PRSS35: variants seen among roughly 807,000 people sequenced by gnomAD.
The protein encoded by PRSS35 is inactive serine protease 35.
Under a neutral mutation model 8.1 loss-of-function variants are expected in PRSS35, and 7 were observed. The ratio of observed to expected loss-of-function variants is 0.86; its 90% confidence interval spans 0.49 to 1.62. PRSS35 has a LOEUF of 1.62. Among genes scored for constraint, PRSS35 ranks in the 40% most tolerant of loss-of-function variants. PRSS35 has a pLI of 0.00. For synonymous variants in PRSS35, 199 were observed against 188.7 expected (o/e 1.05, Z -0.45); for missense variants, 566 against 518.0 (o/e 1.09, Z -0.90).
intron 1 of PRSS35, among the ~76,000 whole-genome samples, chr6:83,514,809 T>C (rs1181376305): frequency 6.6e-6 from 1 of 152,208 alleles, no homozygotes; most frequent in Non-Finnish European, 1.5e-5. Flanking sequence ...ATTGTCTGAC[T>C]GTAGACAGCA....
In PRSS35 at chr6:83,523,547, C is replaced by A; in HGVS notation, c.106C>A (p.Arg36=). The A allele has an allele frequency of 6.2e-7, 1 of 1,614,130 alleles. No individual in the cohort carries two copies. The highest frequency in any genetic ancestry group is 8.5e-7 in the Non-Finnish European group (1 of 1,180,034). Residue 36 remains arginine, a synonymous_variant, in exon 2 of 2, where the codon CGG becomes AGG. Coordinates refer to ENST00000369700, the MANE Select transcript of PRSS35 (RefSeq NM_153362.3). ...DFMWHLRKVP[R]IVSERTFHLT... ...TATGTGGCACTTGAGAAAGGTACCC[C>A]GGATTGTCAGTGAAAGGACTTTCCA...
At chr6:83,519,285 G>T (rs1418288597) in intron 1 of PRSS35, among the ~76,000 whole-genome samples, 1 of 152,112 alleles carries the variant, frequency 6.6e-6, no homozygotes, top group Non-Finnish European at 1.5e-5. Flanking sequence ...CTGTGTGTAT[G>T]CTGACTCACA....
In PRSS35 at chr6:83,524,486, G is replaced by C; in HGVS notation, c.1045G>C (p.Gly349Arg). The C allele has an allele frequency of 6.2e-7, 1 of 1,614,130 alleles. No homozygotes were observed. The highest frequency in any genetic ancestry group is 8.5e-7 in the Non-Finnish European group (1 of 1,180,030). The change falls in exon 2 of 2, where the codon GGG becomes CGG. Residue 349 changes from glycine (G) to arginine (R), a missense_variant. By Grantham distance (125) the Gly-to-Arg change is moderately radical (BLOSUM62 -2). Coordinates refer to ENST00000369700, the MANE Select transcript of PRSS35 (RefSeq NM_153362.3). ...CDAESGSTGS[G>R]VYLRLKDPDK... Reference sequence around the variant, plus strand: ...TGCTGAGTCGGGCTCCACCGGTTCGGGGGTCTATCTGCGTCTGAAAGATCC... The same window carrying C: ...TGCTGAGTCGGGCTCCACCGGTTCGCGGGTCTATCTGCGTCTGAAAGATCC...
rs1771880734 is a variant in PRSS35 at position 83,524,143 on chromosome 6, A to T, written c.702A>T (p.Lys234Asn). The change falls in exon 2 of 2, where the codon AAA becomes AAT. Residue 234 changes from lysine to asparagine, a missense_variant. Coordinates refer to ENST00000369700, the MANE Select transcript of PRSS35 (RefSeq NM_153362.3). ...GAGCGAAGGGTGGGAGAAGAAGAAA[A>T]AAATCTGGCCGGGGTCAGAGGATTG... ...RERAKGGRRRKKSGRGQRIAE... is the reference protein window; with the variant it reads ...RERAKGGRRRNKSGRGQRIAE... 2 of 1,614,086 alleles carry T rather than the reference A, an allele frequency of 1.2e-6. No individual in the cohort carries two copies. The highest frequency in any genetic ancestry group is 1.7e-6 in the Non-Finnish European group (2 of 1,180,012).
rs935745241 is a variant in PRSS35, at chr6:83,524,740, T to A, written c.*57T>A. On this transcript the variant is annotated 3_prime_UTR_variant, in exon 2 of 2. Coordinates refer to ENST00000369700, the MANE Select transcript of PRSS35 (RefSeq NM_153362.3). The stretch of plus-strand genomic sequence containing the variant: ...AAATCACAGAGAAAACCAGCTCTGC[T>A]TACCGTAGTGAGATCACTTCATAGG... 8 of 1,501,104 alleles carry A rather than the reference T, an allele frequency of 5.3e-6. No individual in the cohort carries two copies. The highest frequency in any genetic ancestry group is 6.3e-6 in the Non-Finnish European group (7 of 1,114,368). 93.0% of individuals were successfully genotyped at this position (1,501,104 alleles called of 1,614,324 possible). A position where few individuals can be genotyped will look rare whatever the true frequency, so the allele number is the denominator to read the frequency against.
At chr6:83,518,314 T>G (rs1235105515) in intron 1 of PRSS35, among the ~76,000 whole-genome samples, 1 of 150,508 alleles carries the variant, frequency 6.6e-6, no homozygotes, top group Non-Finnish European at 1.5e-5. Flanking sequence ...CAAAAAGTTG[T>G]TTTTTTTTCA....
intron 1 of PRSS35, among the ~76,000 whole-genome samples, chr6:83,520,995 A>G (rs1771811536): frequency 6.6e-6 from 1 of 152,190 alleles, no homozygotes; most frequent in Non-Finnish European, 1.5e-5. Flanking sequence ...CTGACTTTCA[A>G]GCTTTGATGT....
At chr6:83,521,382 G>A (rs1472216963) in intron 1 of PRSS35, among the ~76,000 whole-genome samples, 2 of 151,824 alleles carry the variant, frequency 1.3e-5, no homozygotes, top group African/African-American at 4.8e-5. Context: ...ATACTAAGTG[G>A]CTCTACTCTA....
chr6:83,517,389 C>CA (rs1480319416), intron 1 of PRSS35, among the ~76,000 whole-genome samples: 1 of 152,206 alleles, frequency 6.6e-6, no homozygotes, highest in East Asian at 1.9e-4. Context: ...GTGCTGCTGT[C>CA]AGGGAGCGCC....
At chr6:83,518,632 G>C (rs777517456) in intron 1 of PRSS35, among the ~76,000 whole-genome samples, 15 of 152,182 alleles carry the variant, frequency 9.9e-5, no homozygotes, top group Non-Finnish European at 1.8e-4. Flanking sequence ...GCGAATTTTA[G>C]AGTGAGTTGG....
At position 83,523,468 on chromosome 6, in the gene PRSS35, A is replaced by G. The variant is rs1335285517; in HGVS notation, c.27A>G (p.Ile9Met). 2.5e-6 allele frequency: 4 copies of G among 1,613,200 alleles called. No homozygotes were observed. Among genetic ancestry groups the G allele is most frequent in the Admixed American group, 1.7e-5 (1 of 59,856 alleles). The change falls in exon 2 of 2, where the codon ATA becomes ATG. Residue 9 changes from isoleucine (I) to methionine (M), a missense_variant. Transcript: ENST00000369700. Reference sequence around the variant, plus strand: ...TGGAAAATATGCTGCTTTGGTTGATATTTTTCACCCCTGGGTGGACCCTCA... The same window carrying G: ...TGGAAAATATGCTGCTTTGGTTGATGTTTTTCACCCCTGGGTGGACCCTCA... MENMLLWL[I>M]FFTPGWTLID... is the part of the protein sequence containing the mutation.
intron 1 of PRSS35, among the ~76,000 whole-genome samples, chr6:83,513,963 G>GA (rs1562032175): frequency 6.6e-6 from 1 of 152,192 alleles, no homozygotes; most frequent in Non-Finnish European, 1.5e-5. Flanking sequence ...AATTTGGGAG[G>GA]ATAGAGCTAC....
intron 1 of PRSS35, among the ~76,000 whole-genome samples, chr6:83,521,575 T>A (rs187593140): frequency 2.0e-5 from 3 of 149,266 alleles, no homozygotes; most frequent in Non-Finnish European, 4.4e-5. Context: ...AGTGCCATGA[T>A]CATGGTTTAC....
chr6:83,523,941 C>T lies in PRSS35; in HGVS notation c.500C>T (p.Ala167Val), dbSNP rs781669584. 149 of 1,614,080 alleles carry T rather than the reference C, an allele frequency of 9.2e-5. No individual in the cohort carries two copies. The highest frequency in any genetic ancestry group is 1.2e-4 in the Non-Finnish European group (143 of 1,180,048). ...ILISPQHVLTAAHCVHDGKDY... is the reference protein window; with the variant it reads ...ILISPQHVLTVAHCVHDGKDY... ...ATTTCCCCTCAGCATGTTCTAACTG[C>T]TGCCCACTGTGTTCATGATGGAAAG... The change falls in exon 2 of 2, where the codon GCT (alanine) becomes GTT (valine). Residue 167 changes from alanine to valine, a missense_variant. Transcript: ENST00000369700.
rs1771906947 is a variant in PRSS35, at chr6:83,524,744, C to G, written c.*61C>G. ...CACAGAGAAAACCAGCTCTGCTTAC[C>G]GTAGTGAGATCACTTCATAGGTTAT... On this transcript the variant is annotated 3_prime_UTR_variant, in exon 2 of 2. Coordinates refer to ENST00000369700, the MANE Select transcript of PRSS35 (RefSeq NM_153362.3). The G allele has an allele frequency of 6.8e-7, 1 of 1,480,894 alleles. No individual in the cohort carries two copies. The highest frequency in any genetic ancestry group is 2.2e-5 in the Admixed American group (1 of 45,556). 91.7% of individuals were successfully genotyped at this position (1,480,894 alleles called of 1,614,324 possible). A position where few individuals can be genotyped will look rare whatever the true frequency, so the allele number is the denominator to read the frequency against.
At chr6:83,523,315 C>G in intron 1 of PRSS35, 107 bp from the exon 2 acceptor site, 1 of 801,856 alleles carries the variant, frequency 1.2e-6, no homozygotes, top group Non-Finnish European at 2.0e-6. Flanking sequence ...AAAATAAGGA[C>G]ACCTCTTTGT....
intron 1 of PRSS35, among the ~76,000 whole-genome samples, chr6:83,513,277 A>G (rs1175210602): frequency 6.6e-6 from 1 of 152,158 alleles, no homozygotes; most frequent in Admixed American, 6.5e-5. Flanking sequence ...TGGGGGTTGT[A>G]CTTTTCTCTC....
At chr6:83,513,200 TG>T (rs1420726635) in intron 1 of PRSS35, among the ~76,000 whole-genome samples, 1 of 151,840 alleles carries the variant, frequency 6.6e-6, no homozygotes, top group African/African-American at 2.4e-5. Flanking sequence ...AAAAAGTGTG[TG>T]GGGTGGTGAT....
Position 83,523,674 on chromosome 6 carries a change from T to C in PRSS35, c.233T>C (p.Leu78Ser). The C allele has an allele frequency of 3.1e-6, 5 of 1,614,146 alleles. No individual in the cohort carries two copies. Among genetic ancestry groups the C allele is most frequent in the Non-Finnish European group, 4.2e-6 (5 of 1,180,018 alleles). ...KELPTPSLSE[L>S]EDYLSYETVF... Reference sequence around the variant, plus strand: ...CTCCCAACTCCCAGCCTTTCTGAATTGGAGGATTATCTTTCCTATGAGACT... The same window carrying C: ...CTCCCAACTCCCAGCCTTTCTGAATCGGAGGATTATCTTTCCTATGAGACT... Residue 78 changes from leucine (L) to serine (S), a missense_variant, in exon 2 of 2, where the codon TTG (leucine) becomes TCG (serine). Leu to Ser is a moderately radical substitution (Grantham distance 145). Coordinates refer to ENST00000369700, the MANE Select transcript of PRSS35 (RefSeq NM_153362.3).
Sources: allele counts gnomAD v4.1 joint callset (sites outside exome capture counted in the v4.1 genomes callset), GRCh38; gene constraint gnomAD v4.1.1; transcripts MANE v1.5; gene names NCBI Gene and HGNC (gene_info 2026-07-23, HGNC 2026-07-21).